The following BBS9 variants were observed in gnomAD, a reference collection of about 807,000 sequenced individuals.
The protein encoded by BBS9 is Bardet-Biedl syndrome 9.
BBS9 carries 89 observed loss-of-function variants against 117.7 expected under a neutral mutation model. The observed-to-expected ratio is 0.76, with a 90% CI of 0.64 to 0.90. The LOEUF (loss-of-function observed/expected upper bound fraction) is 0.90. Ranked by LOEUF, BBS9 falls within the 40% of genes least tolerant of loss-of-function variation. BBS9 has a pLI of 0.00. For synonymous variants in BBS9, 379 were observed against 370.9 expected (o/e 1.02, Z -0.25); for missense variants, 982 against 1,042.2 (o/e 0.94, Z 0.80).
At chr7:33,631,807 G>C (rs184212379) in intron 21 of BBS9, among the ~76,000 whole-genome samples, 6 of 152,292 alleles carry the variant, frequency 3.9e-5, no homozygotes, top group East Asian at 1.9e-4. Context: ...CCACACTGTC[G>C]GGGCCAGGCC....
intron 21 of BBS9, among the ~76,000 whole-genome samples, chr7:33,599,879 G>T (rs180949033): frequency 6.6e-6 from 1 of 152,170 alleles, no homozygotes; most frequent in African/African-American, 2.4e-5. Context: ...ACCTAGCAGT[G>T]GTGAGGGGAA....
chr7:33,327,124 C>T (rs1813019328), intron 9 of BBS9, among the ~76,000 whole-genome samples: 1 of 152,222 alleles, frequency 6.6e-6, no homozygotes, highest in East Asian at 1.9e-4. Flanking sequence ...ACTTTACCTG[C>T]AGTGGCAAGG....
intron 19 of BBS9, among the ~76,000 whole-genome samples, chr7:33,422,637 A>C (rs1341753057): frequency 6.6e-6 from 1 of 152,218 alleles, no homozygotes; most frequent in African/African-American, 2.4e-5. Context: ...TTATAATGTG[A>C]TAATTTAAGA....
intron 1 of BBS9, among the ~76,000 whole-genome samples, chr7:33,134,798 G>A (rs927293755): frequency 6.6e-6 from 1 of 152,014 alleles, no homozygotes; most frequent in Non-Finnish European, 1.5e-5. Flanking sequence ...GTCTCGCTTT[G>A]TTGCCCAGGC....
At chr7:33,489,939 C>T (rs773578255) in intron 19 of BBS9, among the ~76,000 whole-genome samples, 2 of 152,114 alleles carry the variant, frequency 1.3e-5, no homozygotes, top group Non-Finnish European at 2.9e-5. Context: ...AGAATTTAAA[C>T]AAAAAGTGGC....
At chr7:33,417,722 A>G (rs1390528568) in intron 19 of BBS9, among the ~76,000 whole-genome samples, 1 of 152,216 alleles carries the variant, frequency 6.6e-6, no homozygotes, top group African/African-American at 2.4e-5. Flanking sequence ...GTGAGTTTTC[A>G]TGTCAGCTTT....
chr7:33,459,512 A>C (rs896093728), intron 19 of BBS9, among the ~76,000 whole-genome samples: 1 of 152,034 alleles, frequency 6.6e-6, no homozygotes, highest in Non-Finnish European at 1.5e-5. Context: ...TATAGGAAGA[A>C]ATTAAAAGGC....
At chr7:33,422,356 A>C (rs779987879) in intron 19 of BBS9, among the ~76,000 whole-genome samples, 2 of 152,202 alleles carry the variant, frequency 1.3e-5, no homozygotes, top group African/African-American at 2.4e-5. Context: ...AATATTTACC[A>C]TAGCAGAATT....
chr7:33,351,149 A>T, intron 13 of BBS9, 70 bp from the exon 14 acceptor site: 1 of 1,043,946 alleles, frequency 9.6e-7, no homozygotes, highest in Non-Finnish European at 1.5e-6. Flanking sequence ...AGTGCTTATT[A>T]AATTTTAACT....
intron 21 of BBS9, among the ~76,000 whole-genome samples, chr7:33,559,247 G>A (rs1355546681): frequency 6.6e-6 from 1 of 152,178 alleles, no homozygotes; most frequent in Non-Finnish European, 1.5e-5. Flanking sequence ...GTTGGGTAAA[G>A]CACTATGATA....
rs748333002 is a variant in BBS9 at position 33,170,229 on chromosome 7, C to A, written c.329-7249C>A. Among the ~76,000 whole-genome samples the A allele has an allele frequency of 2.5e-3, 369 of 150,004 alleles. 1 individual carries two copies. Among genetic ancestry groups the A allele is most frequent in the Non-Finnish European group, 4.6e-3 (309 of 67,208 alleles). The stretch of plus-strand genomic sequence containing the variant: ...TAAAATACTGGCAAACCGAATCCAG[C>A]AGCACATCAAAAAGCTTATCCACCA... On this transcript the variant is annotated intron_variant, in intron 4 of 22. Coordinates refer to ENST00000242067, the MANE Select transcript of BBS9 (RefSeq NM_198428.3).
intron 21 of BBS9, among the ~76,000 whole-genome samples, chr7:33,550,759 A>T (rs547198158): frequency 3.9e-4 from 59 of 152,334 alleles, no homozygotes; most frequent in African/African-American, 1.3e-3. Flanking sequence ...AACAATTAAA[A>T]ATTAAAATGA....
rs568159409 is a variant in BBS9 at position 33,597,180 on chromosome 7, T to C, written c.2522-7685T>C. 4.0e-5 allele frequency among the ~76,000 whole-genome samples: 6 copies of C among 151,878 alleles called. No homozygotes were observed. In the South Asian group the frequency reaches 1.2e-3, roughly 32 times the overall value. On this transcript the variant is annotated intron_variant, in intron 21 of 22. Coordinates refer to ENST00000242067, the MANE Select transcript of BBS9 (RefSeq NM_198428.3). ...TCTGAGGGAAGCTTCATATTTAAGA[T>C]AGTGCGATATTCTTTTCAAAGGACC... is the stretch of plus-strand genomic sequence containing the variant.
chr7:33,548,693 A>G (rs572533278), intron 21 of BBS9, among the ~76,000 whole-genome samples: 63 of 151,970 alleles, frequency 4.1e-4, no homozygotes, highest in African/African-American at 1.5e-3. Flanking sequence ...CAAAGAGAAT[A>G]AAATACCTAG....
intron 21 of BBS9, among the ~76,000 whole-genome samples, chr7:33,614,841 C>T (rs1373666998): frequency 3.3e-5 from 5 of 151,982 alleles, no homozygotes; most frequent in African/African-American, 4.8e-5. Flanking sequence ...GGAAATCAAA[C>T]GATTTTGAAA....
chr7:33,429,489 A>G (rs1403228868), intron 19 of BBS9, among the ~76,000 whole-genome samples: 1 of 152,192 alleles, frequency 6.6e-6, no homozygotes, highest in Non-Finnish European at 1.5e-5. Context: ...GGCTTTGCCA[A>G]CATACCACAT....
At chr7:33,487,398 C>G (rs1314600643) in intron 19 of BBS9, among the ~76,000 whole-genome samples, 1 of 152,118 alleles carries the variant, frequency 6.6e-6, no homozygotes, top group African/African-American at 2.4e-5. Flanking sequence ...TGATAGCTAA[C>G]TTTATATAGT....
At chr7:33,189,190 G>GT (rs145848343) in intron 5 of BBS9, among the ~76,000 whole-genome samples, 247 of 150,504 alleles carry the variant, frequency 1.6e-3, no homozygotes, top group African/African-American at 5.4e-3. Flanking sequence ...CAGGCTATTT[G>GT]TTTTTTTTTG....
chr7:33,625,583 G>A (rs973697514), intron 21 of BBS9, among the ~76,000 whole-genome samples: 1 of 152,112 alleles, frequency 6.6e-6, no homozygotes, highest in Non-Finnish European at 1.5e-5. Flanking sequence ...CAAGGGTCAG[G>A]CTCCCTTTGC....
Sources: gnomAD v4.1 joint callset for allele counts (sites outside exome capture counted in the v4.1 genomes callset) on GRCh38, gnomAD v4.1.1 for gene constraint, MANE v1.5 for transcripts, NCBI Gene and HGNC (gene_info 2026-07-23, HGNC 2026-07-21) for gene names.